The following EP300 variants were observed in gnomAD, a reference collection of about 807,000 sequenced individuals.
EP300 encodes the protein EP300 lysine acetyltransferase.
In EP300, 31 loss-of-function variants were observed where a neutral mutation model predicts 264.0. That is an observed-to-expected ratio of 0.12 (90% CI 0.09 to 0.16). The LOEUF (loss-of-function observed/expected upper bound fraction) is 0.16, where lower values mean the gene tolerates loss of function less well. Among genes scored for constraint, EP300 ranks in the 10% least tolerant of loss-of-function variants. The probability of loss-of-function intolerance (pLI) is 1.00; values close to 1 mark genes in which losing one functional copy is unlikely to be tolerated. For synonymous variants in EP300, 1,340 were observed against 1,045.4 expected (o/e 1.28, Z -5.44); for missense variants, 2,766 against 3,052.9 (o/e 0.91, Z 2.21).
chr22:41,168,399 TAAC>T (rs762775626), intron 23 of EP300, 47 bp from the exon 24 acceptor site: 162 of 1,606,718 alleles, frequency 1.0e-4, no homozygotes, highest in Non-Finnish European at 1.2e-4. Context: ...ACCTTAAGAC[TAAC>T]AACAGTAAAT....
In EP300 at chr22:41,178,205, C is replaced by G; in HGVS notation, c.6494C>G (p.Ala2165Gly). 2 of 1,613,966 alleles carry G rather than the reference C, an allele frequency of 1.2e-6. No homozygotes were observed. The highest frequency in any genetic ancestry group is 1.7e-6 in the Non-Finnish European group (2 of 1,179,962). ...QPPMGGMSPQ[A>G]QQMNMNHNTM... ...CCCATGGGAGGGATGAGCCCCCAGG[C>G]TCAGCAGATGAACATGAACCACAAC... The change falls in exon 31 of 31, where the codon GCT (alanine) becomes GGT (glycine). Residue 2165 changes from alanine (A) to glycine (G), a missense_variant. Ala to Gly is a moderately conservative substitution (Grantham distance 60). Transcript: ENST00000263253.
chr22:41,147,694 C>T (rs568720509), intron 11 of EP300, 143 bp from the exon 12 acceptor site: 38 of 632,628 alleles, frequency 6.0e-5, no homozygotes, highest in South Asian at 1.2e-4. Flanking sequence ...GCGGAGATTG[C>T]GCCACTGCAC....
At chr22:41,106,675 G>A (rs1279878415) in intron 1 of EP300, among the ~76,000 whole-genome samples, 1 of 152,168 alleles carries the variant, frequency 6.6e-6, no homozygotes, top group East Asian at 1.9e-4. Context: ...TAGTGCAGTG[G>A]CGCAATCTTG....
At chr22:41,123,128 G>A (rs150982569) in intron 2 of EP300, among the ~76,000 whole-genome samples, 7 of 152,294 alleles carry the variant, frequency 4.6e-5, no homozygotes, top group African/African-American at 1.7e-4. Context: ...GAAATTACAA[G>A]GATGAGTAGA....
intron 22 of EP300, 133 bp from the exon 23 acceptor site, chr22:41,166,466 A>G (rs956430282): frequency 1.6e-5 from 11 of 678,720 alleles, no homozygotes; most frequent in South Asian, 5.3e-5. Context: ...CTCTTTGTGT[A>G]TTAGTTTTAT....
At chr22:41,141,374 A>G (rs961430856) in intron 10 of EP300, 152 bp downstream of exon 10, 1 of 780,634 alleles carries the variant, frequency 1.3e-6, no homozygotes. Flanking sequence ...ATCTACTAGT[A>G]AAAACAGAAG....
At chr22:41,111,558 T>C (rs2058790567) in intron 1 of EP300, among the ~76,000 whole-genome samples, 1 of 152,184 alleles carries the variant, frequency 6.6e-6, no homozygotes, top group East Asian at 1.9e-4. Flanking sequence ...CTTTTTTGTT[T>C]TGAGACGGAG....
At chr22:41,164,163 TTTTC>T (rs759375420) in intron 22 of EP300, 33 bp downstream of exon 22, 25 of 1,599,602 alleles carry the variant, frequency 1.6e-5, no homozygotes, top group African/African-American at 2.7e-5. Flanking sequence ...TCTCTGGAAT[TTTTC>T]TTTATCGTGA....
At chr22:41,095,518 C>T (rs909824005) in intron 1 of EP300, among the ~76,000 whole-genome samples, 3 of 151,722 alleles carry the variant, frequency 2.0e-5, no homozygotes, top group Admixed American at 6.6e-5. Flanking sequence ...AGGTATGAGC[C>T]GCCCGGCCAG....
rs541911249 is a variant in EP300, at chr22:41,101,664, G to A, written c.94+8566G>A. Among the ~76,000 whole-genome samples, 10 of 152,142 alleles carry A rather than the reference G, an allele frequency of 6.6e-5. No homozygotes were observed. The South Asian group carries it at 1.9e-3, about 28-fold the overall frequency. ...CTGACTTCATAATCTACCCTTCTCG[G>A]CCTCCCAAAGTGCTGGGATTACAGG... On this transcript the variant is annotated intron_variant, in intron 1 of 30. Coordinates refer to ENST00000263253, the MANE Select transcript of EP300 (RefSeq NM_001429.4).
In EP300 at chr22:41,179,145, C is replaced by CAAAG. The variant is rs1489509327; in HGVS notation, c.*192_*195dup. 7.6e-6 allele frequency: 5 copies of CAAAG among 656,364 alleles called. No individual in the cohort carries two copies. The highest frequency in any genetic ancestry group is 3.6e-5 in the African/African-American group (2 of 54,938). 40.7% of individuals were successfully genotyped at this position (656,364 alleles called of 1,614,324 possible). On this transcript the variant is annotated 3_prime_UTR_variant, in exon 31 of 31. Coordinates refer to ENST00000263253, the MANE Select transcript of EP300 (RefSeq NM_001429.4). ...GATGAACCTGAGGGATGATAGAATACAAAGAATATATTTTTGTTATGGCTG... is the reference window on the plus strand; with the variant it reads ...GATGAACCTGAGGGATGATAGAATACAAAGAAAGAATATATTTTTGTTATGGCTG...
intron 18 of EP300, among the ~76,000 whole-genome samples, chr22:41,157,952 TAACTC>T (rs1161706911): frequency 6.6e-6 from 1 of 152,272 alleles, no homozygotes; most frequent in Non-Finnish European, 1.5e-5. Flanking sequence ...AACAGACTGT[TAACTC>T]ATCTGGAGTA....
intron 23 of EP300, 95 bp from the exon 24 acceptor site, chr22:41,168,354 G>A: frequency 6.9e-7 from 1 of 1,442,778 alleles, no homozygotes; most frequent in Non-Finnish European, 9.7e-7. Context: ...TATCCTGTTT[G>A]TATTGAAAAA....
At chr22:41,139,161 C>A (rs1202784059) in intron 8 of EP300, among the ~76,000 whole-genome samples, 1 of 152,108 alleles carries the variant, frequency 6.6e-6, no homozygotes, top group Non-Finnish European at 1.5e-5. Context: ...GCCGTGTTGG[C>A]CAGGCTGGTC....
intron 1 of EP300, among the ~76,000 whole-genome samples, chr22:41,107,557 G>C (rs1053958518): frequency 6.6e-6 from 1 of 152,080 alleles, no homozygotes; most frequent in Non-Finnish European, 1.5e-5. Flanking sequence ...TATGTTCATA[G>C]TACAGTGTTT....
chr22:41,137,957 T>C (rs1468140254), intron 8 of EP300, among the ~76,000 whole-genome samples, 167 bp downstream of exon 8: 1 of 152,246 alleles, frequency 6.6e-6, no homozygotes, highest in Non-Finnish European at 1.5e-5. Context: ...GCTGCTTTTT[T>C]CCTTCTCAAC....
chr22:41,178,662 G>A lies in EP300; in HGVS notation c.6951G>A (p.Arg2317=), dbSNP rs139551099. ...VRSPQPVPSP[R]PQSQPPHSSP... The stretch of plus-strand genomic sequence containing the variant: ...CTCCCCAGCCTGTCCCTTCTCCACG[G>A]CCACAGTCCCAGCCCCCCCACTCCA... Residue 2317 remains arginine, a synonymous_variant, in exon 31 of 31, where the codon CGG becomes CGA. Coordinates refer to ENST00000263253, the MANE Select transcript of EP300 (RefSeq NM_001429.4). 8.6e-4 allele frequency: 1,393 copies of A among 1,613,964 alleles called. 12 individuals are homozygous for A. In the South Asian group the frequency reaches 9.2e-3, roughly 11 times the overall value.
In EP300 at chr22:41,179,042, C is replaced by A. The variant is rs1006422857; in HGVS notation, c.*86C>A. Reference sequence around the variant, plus strand: ...CTGAAAACAATTTTTTTGAATCTTTCGTAGCCTAAAAGACAATTTTCCTTG... The same window carrying A: ...CTGAAAACAATTTTTTTGAATCTTTAGTAGCCTAAAAGACAATTTTCCTTG... On this transcript the variant is annotated 3_prime_UTR_variant, in exon 31 of 31. Coordinates refer to ENST00000263253, the MANE Select transcript of EP300 (RefSeq NM_001429.4). 3 of 1,521,656 alleles carry A rather than the reference C, an allele frequency of 2.0e-6. No homozygotes were observed. The highest frequency in any genetic ancestry group is 1.4e-5 in the African/African-American group (1 of 72,790). 94.3% of individuals were successfully genotyped at this position (1,521,656 alleles called of 1,614,324 possible).
intron 1 of EP300, among the ~76,000 whole-genome samples, chr22:41,107,601 G>A (rs2058764897): frequency 6.6e-6 from 1 of 152,082 alleles, no homozygotes; most frequent in African/African-American, 2.4e-5. Flanking sequence ...AATTTTGAAG[G>A]TTATGCTTCA....
Sources: gnomAD v4.1 joint callset for allele counts (sites outside exome capture counted in the v4.1 genomes callset) on GRCh38, gnomAD v4.1.1 for gene constraint, MANE v1.5 for transcripts, NCBI Gene and HGNC (gene_info 2026-07-23, HGNC 2026-07-21) for gene names.